Variants in PCDHGA2 observed in about 807,000 individuals in gnomAD.
PCDHGA2 encodes the protein protocadherin gamma-A2.
PCDHGA2 carries 40 observed loss-of-function variants against 59.2 expected under a neutral mutation model. That is an observed-to-expected ratio of 0.68 (90% CI 0.52 to 0.88). The LOEUF is 0.88. Ranked by LOEUF, PCDHGA2 falls within the 40% of genes least tolerant of loss-of-function variation. The pLI is 0.00. For missense variants in PCDHGA2, 1,226 were observed against 1,204.0 expected (o/e 1.02, Z -0.27); for synonymous variants, 560 against 526.0 (o/e 1.06, Z -0.89).
At chr5:141,505,305 C>T (rs1363643214) in intron 2 of PCDHGA2, 88 bp from the exon 3 acceptor site, 2 of 1,595,104 alleles carry the variant, frequency 1.3e-6, no homozygotes, top group Admixed American at 1.7e-5. Flanking sequence ...GGTTAGGGTA[C>T]TAGGTTTGGG....
At chr5:141,357,644 C>A in intron 1 of PCDHGA2, 4 of 1,610,538 alleles carry the variant, frequency 2.5e-6, no homozygotes, top group Non-Finnish European at 2.5e-6. Flanking sequence ...TATAATAGAT[C>A]ATACCACACT....
At chr5:141,461,819 A>T (rs573339238) in intron 1 of PCDHGA2, among the ~76,000 whole-genome samples, 68 of 149,282 alleles carry the variant, frequency 4.6e-4, no homozygotes, top group Non-Finnish European at 9.5e-4. Flanking sequence ...ACACCCAGCT[A>T]ATTTTTTTTT....
chr5:141,385,979 A>T (rs1561609878), intron 1 of PCDHGA2: 1 of 152,222 alleles, frequency 6.6e-6, no homozygotes, highest in South Asian at 2.1e-4. Flanking sequence ...AAAACCAATA[A>T]AATATGTCAA....
At position 141,406,382 on chromosome 5, in the gene PCDHGA2, G is replaced by A. The variant is rs189693155; in HGVS notation, c.2424+64987G>A. Reference sequence around the variant, plus strand: ...TTTGTAAGGGTAAACTGATAAAAAGGTAAATGTATTCTTCTTAGAGAAACA... The same window carrying A: ...TTTGTAAGGGTAAACTGATAAAAAGATAAATGTATTCTTCTTAGAGAAACA... On this transcript the variant is annotated intron_variant, in intron 1 of 3. Transcript: ENST00000394576. Among the ~76,000 whole-genome samples, 63 of 152,232 alleles carry A rather than the reference G, an allele frequency of 4.1e-4. 1 individual carries two copies. Among genetic ancestry groups the A allele is most frequent in the African/African-American group, 1.4e-3 (60 of 41,554 alleles).
rs79464787 is a variant in PCDHGA2, at chr5:141,480,455, T to C, written c.2425-14352T>C. Among the ~76,000 whole-genome samples the C allele has an allele frequency of 7.4e-3, 1,134 of 152,274 alleles. 17 individuals are homozygous for C. The highest frequency in any genetic ancestry group is 0.026 in the African/African-American group (1,086 of 41,548). ...CAGCTATTACTATAATTATTTTTAT[T>C]AGTTCCTCACTCACCTAAAATCTCA... On this transcript the variant is annotated intron_variant, in intron 1 of 3. Transcript: ENST00000394576.
At position 141,418,812 on chromosome 5, in the gene PCDHGA2, A is replaced by T. The variant is rs761899929; in HGVS notation, c.2425-75995A>T. 4 of 1,613,914 alleles carry T rather than the reference A, an allele frequency of 2.5e-6. No individual in the cohort carries two copies. In the South Asian group the frequency reaches 4.4e-5, roughly 18 times the overall value. On this transcript the variant is annotated intron_variant, in intron 1 of 3. Transcript: ENST00000394576. ...GAAGAAGTAGAAAGATATACGATAA[A>T]CATAGAAGCAAAAGACCGAGGATCT... is the stretch of plus-strand genomic sequence containing the variant.
At position 141,490,124 on chromosome 5, in the gene PCDHGA2, T is replaced by C. The variant is rs1216088470; in HGVS notation, c.2425-4683T>C. On this transcript the variant is annotated intron_variant, in intron 1 of 3. Transcript: ENST00000394576. The surrounding 1 kb of genome is among the most constrained non-coding windows in gnomAD (Gnocchi z 5.4). ...GAGGCAGTGCGGAACCTCTTTGGCCTAGACCCTAGCAGTGGGGCAATCCAT... is the reference window on the plus strand; with the variant it reads ...GAGGCAGTGCGGAACCTCTTTGGCCCAGACCCTAGCAGTGGGGCAATCCAT... 6.2e-7 allele frequency: 1 copy of C among 1,614,144 alleles called. No individual in the cohort carries two copies. Among genetic ancestry groups the C allele is most frequent in the Non-Finnish European group, 8.5e-7 (1 of 1,180,054 alleles).
At chr5:141,430,774 A>G (rs1269572813) in intron 1 of PCDHGA2, 11 of 1,508,872 alleles carry the variant, frequency 7.3e-6, no homozygotes, top group Non-Finnish European at 8.8e-7. Context: ...TTCCTGCGCG[A>G]CTGCACCGGG....
At chr5:141,439,472 A>G (rs1185561573) in intron 1 of PCDHGA2, among the ~76,000 whole-genome samples, 3 of 152,228 alleles carry the variant, frequency 2.0e-5, no homozygotes, top group Non-Finnish European at 4.4e-5. Flanking sequence ...GCTGCCTTTC[A>G]GCTTGCAAAT....
intron 1 of PCDHGA2, among the ~76,000 whole-genome samples, chr5:141,406,639 A>G (rs1301755864): frequency 6.6e-6 from 1 of 152,208 alleles, no homozygotes; most frequent in Non-Finnish European, 1.5e-5. Flanking sequence ...AAAGGTCTTA[A>G]TTTCCTAATG....
At chr5:141,370,782 C>G in intron 1 of PCDHGA2, 1 of 1,613,988 alleles carries the variant, frequency 6.2e-7, no homozygotes, top group Non-Finnish European at 8.5e-7. Context: ...TAACGACAAC[C>G]CACCGACCTT....
intron 1 of PCDHGA2, among the ~76,000 whole-genome samples, chr5:141,405,709 C>T (rs2094708572): frequency 2.0e-5 from 3 of 152,150 alleles, no homozygotes; most frequent in African/African-American, 7.2e-5. Context: ...AATTCCTAAC[C>T]TCAAGTGATC....
At chr5:141,374,626 C>A (rs748933501) in intron 1 of PCDHGA2, 10 of 1,613,108 alleles carry the variant, frequency 6.2e-6, no homozygotes, top group Non-Finnish European at 7.6e-6. Context: ...TCTCAGTGGA[C>A]GTGCAAAGCG....
At chr5:141,396,944 G>A (rs983363091) in intron 1 of PCDHGA2, among the ~76,000 whole-genome samples, 1 of 152,166 alleles carries the variant, frequency 6.6e-6, no homozygotes, top group African/African-American at 2.4e-5. Context: ...GCCCTGGTAG[G>A]AAAGAAAATC....
chr5:141,486,688 C>G lies in PCDHGA2; in HGVS notation c.2425-8119C>G, dbSNP rs748605515. On this transcript the variant is annotated intron_variant, in intron 1 of 3. Coordinates refer to ENST00000394576, the MANE Select transcript of PCDHGA2 (RefSeq NM_018915.4). This position sits in a 1 kb window ranked among gnomAD's most constrained non-coding sequence, Gnocchi z 5.0. ...CCAGGAATCGAGATGTATCAGCTTCCTCTTTCATCTCTCTGAACCCCCAGA... is the reference window on the plus strand; with the variant it reads ...CCAGGAATCGAGATGTATCAGCTTCGTCTTTCATCTCTCTGAACCCCCAGA... The G allele has an allele frequency of 1.2e-6, 2 of 1,614,170 alleles. No homozygotes were observed. The highest frequency in any genetic ancestry group is 8.5e-7 in the Non-Finnish European group (1 of 1,180,044).
chr5:141,371,514 C>A (rs781132718), intron 1 of PCDHGA2: 1 of 1,613,792 alleles, frequency 6.2e-7, no homozygotes, highest in South Asian at 1.1e-5. Context: ...AACACATGAT[C>A]TAGATTCTGG....
At position 141,476,943 on chromosome 5, in the gene PCDHGA2, A is replaced by G. The variant is rs538990482; in HGVS notation, c.2425-17864A>G. On this transcript the variant is annotated intron_variant, in intron 1 of 3. Coordinates refer to ENST00000394576, the MANE Select transcript of PCDHGA2 (RefSeq NM_018915.4). This position sits in a 1 kb window ranked among gnomAD's most constrained non-coding sequence, Gnocchi z 7.6. ...GCAACGGATCTGGATGAAGGCCCCA[A>G]CGGTGAAATTATTTACTCCTTCGGC... 14 of 1,614,170 alleles carry G rather than the reference A, an allele frequency of 8.7e-6. No individual in the cohort carries two copies. Among genetic ancestry groups the G allele is most frequent in the South Asian group, 1.1e-5 (1 of 91,086 alleles).
At chr5:141,408,458 G>A (rs760881860) in intron 1 of PCDHGA2, 1 of 1,614,066 alleles carries the variant, frequency 6.2e-7, no homozygotes, top group Admixed American at 1.7e-5. Context: ...GGACTTACTT[G>A]TGAAGAACCG....
Position 141,339,253 on chromosome 5 carries a change from G to A in PCDHGA2, c.282G>A (p.Glu94=). ...CTGCGAACAGGATAGACCGGGAGGA[G>A]CTCTGCGCTCAGAGCGCACCCTGTC... The part of the protein sequence containing the change: ...LVTANRIDRE[E]LCAQSAPCLL... The change falls in exon 1 of 4, where the codon GAG becomes GAA. Residue 94 remains glutamate (E), a synonymous_variant. Coordinates refer to ENST00000394576, the MANE Select transcript of PCDHGA2 (RefSeq NM_018915.4). 1 of 1,614,254 alleles carries A rather than the reference G, an allele frequency of 6.2e-7. No homozygotes were observed.
Sources: allele counts gnomAD v4.1 joint callset (sites outside exome capture counted in the v4.1 genomes callset), GRCh38; gene constraint gnomAD v4.1.1; non-coding constraint Gnocchi (gnomAD v3.1); transcripts MANE v1.5; gene names NCBI Gene and HGNC (gene_info 2026-07-23, HGNC 2026-07-21).